LHFPL3: variants seen among roughly 807,000 people sequenced by gnomAD.
The protein encoded by LHFPL3 is LHFPL tetraspan subfamily member 3 protein.
LHFPL3 carries 5 observed loss-of-function variants against 19.3 expected under a neutral mutation model. The ratio of observed to expected loss-of-function variants is 0.26; its 90% CI spans 0.14 to 0.54. LHFPL3 has a LOEUF of 0.54. Ranked by LOEUF, LHFPL3 falls within the 20% of genes least tolerant of loss-of-function variation. LHFPL3 has a pLI of 0.94. For synonymous variants in LHFPL3, 133 were observed against 126.2 expected, an observed-to-expected ratio of 1.05 and a Z score of -0.36; for missense variants, 249 against 307.4, an observed-to-expected ratio of 0.81 and a Z score of 1.42.
intron 1 of LHFPL3, among the ~76,000 whole-genome samples, chr7:104,602,020 C>CTTTTTTTTTTTTTTTTTTTTTTTTTTTTT (rs57501560): frequency 1.2e-4 from 11 of 91,462 alleles, no homozygotes; most frequent in East Asian, 3.6e-4. Flanking sequence ...TTTTTCTTTT[C>CTTTTTTTTTTTTTTTTTTTTTTTTTTTTT]TTTTTTTTTT....
chr7:104,899,517 C>T (rs1174889735), intron 2 of LHFPL3, among the ~76,000 whole-genome samples: 2 of 152,012 alleles, frequency 1.3e-5, no homozygotes, highest in Non-Finnish European at 2.9e-5. Flanking sequence ...AATCAAGAAA[C>T]GGGAAAATGA....
At chr7:104,812,421 C>T (rs1315770271) in intron 2 of LHFPL3, among the ~76,000 whole-genome samples, 1 of 152,098 alleles carries the variant, frequency 6.6e-6, no homozygotes, top group Non-Finnish European at 1.5e-5. Context: ...ATGTACAATG[C>T]TGAGTGAAAG....
chr7:104,573,490 G>A (rs1790269881), intron 1 of LHFPL3, among the ~76,000 whole-genome samples: 1 of 152,056 alleles, frequency 6.6e-6, no homozygotes, highest in Non-Finnish European at 1.5e-5. Flanking sequence ...CTATTAAATG[G>A]TATAGGAATG....
intron 2 of LHFPL3, among the ~76,000 whole-genome samples, chr7:104,839,204 A>T (rs1791151690): frequency 6.6e-6 from 1 of 152,196 alleles, no homozygotes; most frequent in Admixed American, 6.5e-5. Flanking sequence ...GGAGGACAGG[A>T]TAGCAGTGTT....
intron 2 of LHFPL3, among the ~76,000 whole-genome samples, chr7:104,799,079 G>A (rs1233468069): frequency 1.3e-5 from 2 of 152,212 alleles, no homozygotes; most frequent in African/African-American, 4.8e-5. Context: ...CAGAATACCT[G>A]TGTAATTTTG....
chr7:104,723,722 C>CAAAAAAAAAAA (rs1167618176), intron 1 of LHFPL3, among the ~76,000 whole-genome samples: 1 of 46,932 alleles, frequency 2.1e-5, no homozygotes, highest in African/African-American at 9.7e-5. Flanking sequence ...ACTATGTCTC[C>CAAAAAAAAAAA]AAAAAAAAAA....
intron 2 of LHFPL3, chr7:104,845,459 G>C: frequency 1.3e-6 from 2 of 1,533,090 alleles, no homozygotes; most frequent in Non-Finnish European, 1.7e-6. Flanking sequence ...TGTGGGTTCA[G>C]CTCTGTTTTG....
At chr7:104,447,023 G>A (rs1486620237) in intron 1 of LHFPL3, among the ~76,000 whole-genome samples, 1 of 152,170 alleles carries the variant, frequency 6.6e-6, no homozygotes, top group Non-Finnish European at 1.5e-5. Context: ...AACTTGCAGA[G>A]AATTTTCGGA....
chr7:104,638,914 C>T (rs571265699), intron 1 of LHFPL3, among the ~76,000 whole-genome samples: 23 of 151,700 alleles, frequency 1.5e-4, no homozygotes, highest in East Asian at 5.9e-4. Flanking sequence ...ACTACTGACA[C>T]GCCTCACCAC....
chr7:104,614,706 T>C (rs1388462754), intron 1 of LHFPL3, among the ~76,000 whole-genome samples: 3 of 143,896 alleles, frequency 2.1e-5, no homozygotes, highest in Non-Finnish European at 4.5e-5. Context: ...TTTCTTTCTT[T>C]CTTTCTTTCT....
At chr7:104,829,302 G>C (rs1451190572) in intron 2 of LHFPL3, among the ~76,000 whole-genome samples, 1 of 151,828 alleles carries the variant, frequency 6.6e-6, no homozygotes, top group East Asian at 1.9e-4. Flanking sequence ...TCTTGCAGTG[G>C]AGAGTGATAG....
chr7:104,754,645 A>G (rs1205375755), intron 2 of LHFPL3, among the ~76,000 whole-genome samples: 2 of 152,250 alleles, frequency 1.3e-5, no homozygotes, highest in Non-Finnish European at 2.9e-5. Flanking sequence ...ATTAGTATTC[A>G]ATAAATGTTA....
chr7:104,349,329 TTC>T (rs1329652257), intron 1 of LHFPL3, among the ~76,000 whole-genome samples: 3 of 152,228 alleles, frequency 2.0e-5, no homozygotes, highest in Non-Finnish European at 4.4e-5. Flanking sequence ...GTTGTGAAGT[TTC>T]TTTCTTTTTA....
chr7:104,778,278 G>A (rs188583669), intron 2 of LHFPL3, among the ~76,000 whole-genome samples: 67 of 152,116 alleles, frequency 4.4e-4, no homozygotes, highest in Admixed American at 2.0e-3. Context: ...CCTGCTGTGC[G>A]GGAGCTTGAT....
intron 1 of LHFPL3, among the ~76,000 whole-genome samples, chr7:104,573,409 CA>C (rs11310724): frequency 0.34 from 38,182 of 112,388 alleles, 5,040 homozygotes; most frequent in African/African-American, 0.42. Context: ...AAGACCATCT[CA>C]AAAAAAAAAA....
chr7:104,695,509 G>T (rs1325088638), intron 1 of LHFPL3, among the ~76,000 whole-genome samples: 1 of 152,324 alleles, frequency 6.6e-6, no homozygotes, highest in African/African-American at 2.4e-5. Flanking sequence ...GGTGAGAAAT[G>T]CTGATGAACA....
chr7:104,338,050 A>T (rs1789865075), intron 1 of LHFPL3, among the ~76,000 whole-genome samples: 1 of 151,568 alleles, frequency 6.6e-6, no homozygotes, highest in Non-Finnish European at 1.5e-5. Context: ...TACGAATGCA[A>T]GGCATATAAA....
chr7:104,794,110 T>C (rs997176806), intron 2 of LHFPL3, among the ~76,000 whole-genome samples: 1 of 152,208 alleles, frequency 6.6e-6, no homozygotes, highest in Admixed American at 6.5e-5. Context: ...TATAGAAGTA[T>C]AATACTACAC....
At chr7:104,599,954 C>T (rs1441037982) in intron 1 of LHFPL3, among the ~76,000 whole-genome samples, 1 of 152,186 alleles carries the variant, frequency 6.6e-6, no homozygotes, top group Non-Finnish European at 1.5e-5. Flanking sequence ...CCCGACATTA[C>T]TAAGGACTTC....
Sources: gnomAD v4.1 joint callset for allele counts (sites outside exome capture counted in the v4.1 genomes callset) on GRCh38, gnomAD v4.1.1 for gene constraint, MANE v1.5 for transcripts, NCBI Gene and HGNC (gene_info 2026-07-23, HGNC 2026-07-21) for gene names.